ACVR2B: variants seen among roughly 807,000 people sequenced by gnomAD.
ACVR2B encodes activin receptor type-2B.
A neutral mutation model predicts 65.1 loss-of-function variants in ACVR2B; 18 were observed. The ratio of observed to expected loss-of-function variants is 0.28; its 90% CI spans 0.19 to 0.41. The LOEUF (loss-of-function observed/expected upper bound fraction) is 0.41, where lower values mean the gene tolerates loss of function less well. ACVR2B is among the 10% of genes least tolerant of loss of function. The pLI is 1.00. For missense variants in ACVR2B, 482 were observed against 682.7 expected (o/e 0.71, Z 3.28); for synonymous variants, 298 against 277.7 (o/e 1.07, Z -0.73).
intron 1 of ACVR2B, among the ~76,000 whole-genome samples, chr3:38,471,616 G>T (rs1480576938): frequency 6.6e-6 from 1 of 152,202 alleles, no homozygotes; most frequent in Non-Finnish European, 1.5e-5. Context: ...AGTTATGTGA[G>T]GTTATAAGCT....
At chr3:38,471,128 T>C (rs12637034) in intron 1 of ACVR2B, among the ~76,000 whole-genome samples, 9,298 of 152,260 alleles carry the variant, frequency 0.061, 453 homozygotes, top group East Asian at 0.19. Flanking sequence ...AATGGACTTT[T>C]TGGCAAAGAG....
chr3:38,479,723 G>C lies in ACVR2B; in HGVS notation c.856G>C (p.Glu286Gln), dbSNP rs1212540485. 39 of 1,614,068 alleles carry C rather than the reference G, an allele frequency of 2.4e-5. No individual in the cohort carries two copies. Among genetic ancestry groups the C allele is most frequent in the Non-Finnish European group, 3.2e-5 (38 of 1,180,034 alleles). The change falls in exon 7 of 11, where the codon GAA becomes CAA. Residue 286 changes from glutamate to glutamine, a missense_variant. Transcript: ENST00000352511. ...CAAGGGGAACATCATCACATGGAAC[G>C]AACTGTGTCATGTAGCAGAGACGAT... ...YLKGNIITWN[E>Q]LCHVAETMSR...
chr3:38,469,626 G>T (rs895643225), intron 1 of ACVR2B, among the ~76,000 whole-genome samples: 6 of 152,188 alleles, frequency 3.9e-5, no homozygotes, highest in African/African-American at 1.4e-4. Context: ...AGAAATTAAA[G>T]TGGTTCCAAA....
In ACVR2B at chr3:38,481,509, T is replaced by A; in HGVS notation, c.1074+44T>A. The A allele has an allele frequency of 1.3e-6, 2 of 1,543,136 alleles. No homozygotes were observed. The highest frequency in any genetic ancestry group is 1.8e-6 in the Non-Finnish European group (2 of 1,115,932). The stretch of plus-strand genomic sequence containing the variant: ...CAGGAAGAGAGGGACAGACCCAGGG[T>A]AGATACTTTGCCCTTTTTGTGCTCA... On this transcript the variant is annotated intron_variant, in intron 8 of 10. Transcript: ENST00000352511. This position sits in a 1 kb window ranked among gnomAD's most constrained non-coding sequence, Gnocchi z 4.7.
Position 38,478,252 on chromosome 3 carries a change from G to C in ACVR2B, c.482G>C (p.Arg161Pro), listed in dbSNP as rs572594763. The part of the protein sequence containing the change: ...LIVLLAFWMY[R>P]HRKPPYGHVD... The stretch of plus-strand genomic sequence containing the variant: ...GTCCTGCTGGCCTTTTGGATGTACC[G>C]GCATCGCAAGCCCCCCTACGGTCAT... The change falls in exon 4 of 11, where the codon CGG becomes CCG. Residue 161 changes from arginine (R) to proline (P), a missense_variant. Physicochemically the swap from Arg to Pro is moderately radical, Grantham distance 103 (BLOSUM62 -2). Around this residue, in one of 5 missense-constraint regions of ACVR2B, gnomAD observed 95 missense variants for 91.6 expected, o/e 1.04. Coordinates refer to ENST00000352511, the MANE Select transcript of ACVR2B (RefSeq NM_001106.4). 6.2e-7 allele frequency: 1 copy of C among 1,614,112 alleles called. No homozygotes were observed. Among genetic ancestry groups the C allele is most frequent in the Non-Finnish European group, 8.5e-7 (1 of 1,180,010 alleles).
chr3:38,454,380 A>T lies in ACVR2B; in HGVS notation c.52+6A>T. The T allele has an allele frequency of 8.0e-7, 1 of 1,255,860 alleles. No homozygotes were observed. The highest frequency in any genetic ancestry group is 1.0e-6 in the Non-Finnish European group (1 of 1,001,132). The allele number at this position is 1,255,860 out of a possible 1,614,324, so 77.8% of individuals were successfully genotyped here. A position where few individuals can be genotyped will look rare whatever the true frequency, so the allele number is the denominator to read the frequency against. On this transcript the variant is annotated splice_donor_region_variant and intron_variant, in intron 1 of 10. Transcript: ENST00000352511. Reference sequence around the variant, plus strand: ...CTGGGGATCGCTGTGCGCCGGTAAGAACTGGGCGCGGCGCGGGGACGCCGA... The same window carrying T: ...CTGGGGATCGCTGTGCGCCGGTAAGTACTGGGCGCGGCGCGGGGACGCCGA...
At chr3:38,482,661 A>G in intron 10 of ACVR2B, 101 bp downstream of exon 10, 1 of 1,513,856 alleles carries the variant, frequency 6.6e-7, no homozygotes, top group Non-Finnish European at 9.0e-7. Context: ...GGCAAATAGA[A>G]AGTCTGCGAC....
rs767108424 is a variant in ACVR2B at position 38,483,141 on chromosome 3, C to T, written c.1348C>T (p.Leu450=). The T allele has an allele frequency of 6.2e-7, 1 of 1,614,198 alleles. No individual in the cohort carries two copies. The highest frequency in any genetic ancestry group is 1.3e-5 in the African/African-American group (1 of 75,044). Residue 450 remains leucine (L), a synonymous_variant, in exon 11 of 11, where the codon CTG becomes TTG. Coordinates refer to ENST00000352511, the MANE Select transcript of ACVR2B (RefSeq NM_001106.4). This position sits in a 1 kb window ranked among gnomAD's most constrained non-coding sequence, Gnocchi z 4.8. The part of the protein sequence containing the change: ...IKDHWLKHPG[L]AQLCVTIEEC... ...CTGTCTGCCCTATGCTGCTTAGGGC[C>T]TGGCCCAGCTTTGTGTGACCATCGA...
rs1710162998 is a variant in ACVR2B, at chr3:38,488,680, T to C, written c.*5348T>C. 1 of 152,246 alleles carries C rather than the reference T, an allele frequency of 6.6e-6. No individual in the cohort carries two copies. Among genetic ancestry groups the C allele is most frequent in the Non-Finnish European group, 1.5e-5 (1 of 68,042 alleles). 9.4% of individuals were successfully genotyped at this position (152,246 alleles called of 1,614,324 possible). On this transcript the variant is annotated 3_prime_UTR_variant, in exon 11 of 11. Coordinates refer to ENST00000352511, the MANE Select transcript of ACVR2B (RefSeq NM_001106.4). ...ATGAAACATGACTTTTTGATTGTGGTACTTCCTGTATCCCCTGTAGTGCCA... is the reference window on the plus strand; with the variant it reads ...ATGAAACATGACTTTTTGATTGTGGCACTTCCTGTATCCCCTGTAGTGCCA...
intron 5 of ACVR2B, 62 bp from the exon 6 acceptor site, chr3:38,479,066 A>T (rs575664601): frequency 6.2e-7 from 1 of 1,607,170 alleles, no homozygotes; most frequent in South Asian, 1.1e-5. Context: ...CTGTAGGGCA[A>T]TGTGACTGCA....
At position 38,478,134 on chromosome 3, in the gene ACVR2B, C is replaced by T. The variant is rs780298375; in HGVS notation, c.371-7C>T. 16 of 1,610,438 alleles carry T rather than the reference C, an allele frequency of 9.9e-6. No individual in the cohort carries two copies. Among genetic ancestry groups the T allele is most frequent in the African/African-American group, 1.3e-5 (1 of 74,874 alleles). Reference sequence around the variant, plus strand: ...CTGTTTGACACAGGGCTCTGTGTGTCCCCCAGTCACGTACGAGCCACCCCC... The same window carrying T: ...CTGTTTGACACAGGGCTCTGTGTGTTCCCCAGTCACGTACGAGCCACCCCC... On this transcript the variant is annotated splice_polypyrimidine_tract_variant and splice_region_variant and intron_variant, in intron 3 of 10. Coordinates refer to ENST00000352511, the MANE Select transcript of ACVR2B (RefSeq NM_001106.4).
In ACVR2B at chr3:38,481,134, T is replaced by C. The variant is rs559686941; in HGVS notation, c.960-217T>C. 2.7e-4 allele frequency among the ~76,000 whole-genome samples: 41 copies of C among 152,118 alleles called. No individual in the cohort carries two copies. The highest frequency in any genetic ancestry group is 5.0e-4 in the Non-Finnish European group (34 of 68,004). On this transcript the variant is annotated intron_variant, in intron 7 of 10. Transcript: ENST00000352511. This position sits in a 1 kb window ranked among gnomAD's most constrained non-coding sequence, Gnocchi z 4.7. ...AGGGTAGGTGTTGCTTTGCCAACCCTGGGGGAAGCCTTCCATCTGAAGTGC... is the reference window on the plus strand; with the variant it reads ...AGGGTAGGTGTTGCTTTGCCAACCCCGGGGGAAGCCTTCCATCTGAAGTGC...
At chr3:38,459,621 C>T (rs569767620) in intron 1 of ACVR2B, 28 of 985,416 alleles carry the variant, frequency 2.8e-5, no homozygotes, top group South Asian at 1.4e-4. Flanking sequence ...TCCGGGGAGC[C>T]GCAGAGGCTG....
At chr3:38,459,496 C>G (rs1246697647) in intron 1 of ACVR2B, 5 of 731,650 alleles carry the variant, frequency 6.8e-6, no homozygotes, top group Non-Finnish European at 8.4e-6. Flanking sequence ...CAGCCCCTCT[C>G]TGCTCACCTG....
intron 4 of ACVR2B, 29 bp downstream of exon 4, chr3:38,478,321 A>G (rs771187055): frequency 6.2e-7 from 1 of 1,614,108 alleles, no homozygotes; most frequent in Non-Finnish European, 8.5e-7. Context: ...GGGGCAGGGC[A>G]GGATAGAGGT....
rs1049963478 is a variant in ACVR2B, at chr3:38,486,518, C to G, written c.*3186C>G. On this transcript the variant is annotated 3_prime_UTR_variant, in exon 11 of 11. Transcript: ENST00000352511. ...ATAGAGCCTCTGCCTGTGCTCTTTT[C>G]CATAATGACTTCATGTGACATGCAC... 6.6e-6 allele frequency: 1 copy of G among 152,204 alleles called. No individual in the cohort carries two copies. The highest frequency in any genetic ancestry group is 2.4e-5 in the African/African-American group (1 of 41,434). 9.4% of individuals were successfully genotyped at this position (152,204 alleles called of 1,614,324 possible). A position where few individuals can be genotyped will look rare whatever the true frequency, so the allele number is the denominator to read the frequency against.
chr3:38,479,835 G>T lies in ACVR2B; in HGVS notation c.959+9G>T. On this transcript the variant is annotated intron_variant, in intron 7 of 10. Transcript: ENST00000352511. ...CCGTCTATTGCCCACAGGTACCTGGGTCAGCAGGTGCCTTTCCTGCACTTG... is the reference window on the plus strand; with the variant it reads ...CCGTCTATTGCCCACAGGTACCTGGTTCAGCAGGTGCCTTTCCTGCACTTG... 6.2e-7 allele frequency: 1 copy of T among 1,613,658 alleles called. No homozygotes were observed. The highest frequency in any genetic ancestry group is 2.2e-5 in the East Asian group (1 of 44,876).
chr3:38,460,383 C>T (rs1709623538), intron 1 of ACVR2B, among the ~76,000 whole-genome samples: 1 of 152,184 alleles, frequency 6.6e-6, no homozygotes, highest in East Asian at 1.9e-4. Flanking sequence ...CTGCTGCCTT[C>T]TTCTGACTCT....
At chr3:38,463,902 G>T (rs933881238) in intron 1 of ACVR2B, among the ~76,000 whole-genome samples, 1 of 152,150 alleles carries the variant, frequency 6.6e-6, no homozygotes. Flanking sequence ...CTCTTGGGTT[G>T]GCATATGGTA....
Sources: allele counts gnomAD v4.1 joint callset (sites outside exome capture counted in the v4.1 genomes callset), GRCh38; gene constraint gnomAD v4.1.1; regional missense constraint gnomAD v4.1.1; non-coding constraint Gnocchi (gnomAD v3.1); transcripts MANE v1.5; gene names NCBI Gene and HGNC (gene_info 2026-07-23, HGNC 2026-07-21).